TDRD9: variants seen among roughly 807,000 people sequenced by gnomAD.
The protein encoded by TDRD9 is ATP-dependent RNA helicase TDRD9.
A neutral mutation model predicts 172.6 loss-of-function variants in TDRD9; 124 were observed. The observed-to-expected ratio is 0.72, with a 90% CI of 0.62 to 0.83. The LOEUF (loss-of-function observed/expected upper bound fraction) is 0.83. Ranked by LOEUF, TDRD9 falls within the 40% of genes least tolerant of loss-of-function variation. The pLI, the probability that TDRD9 is intolerant of heterozygous loss-of-function variation, is 0.00. For missense variants in TDRD9, 1,479 were observed against 1,714.1 expected (o/e 0.86, Z 2.42); for synonymous variants, 619 against 617.1 (o/e 1.00, Z -0.05).
At chr14:104,031,299 T>G (rs765122967) in intron 29 of TDRD9, 36 bp downstream of exon 29, 16 of 1,524,842 alleles carry the variant, frequency 1.0e-5, no homozygotes, top group African/African-American at 1.4e-5. Context: ...ATTTAAAAGC[T>G]TAGTATCATT....
In TDRD9 at chr14:104,024,649, C is replaced by G. The variant is rs1371283023; in HGVS notation, c.2687C>G (p.Thr896Arg). The G allele has an allele frequency of 2.5e-6, 4 of 1,610,304 alleles. No homozygotes were observed. The highest frequency in any genetic ancestry group is 2.5e-6 in the Non-Finnish European group (3 of 1,177,010). The change falls in exon 25 of 36, where the codon ACA becomes AGA. Residue 896 changes from threonine to arginine, a missense_variant. Thr to Arg is a moderately conservative substitution (Grantham distance 71, BLOSUM62 -1). Coordinates refer to ENST00000409874, the MANE Select transcript of TDRD9 (RefSeq NM_153046.3). ...FNTSDRSQTV[T>R]DLLLTIDVTE... is the part of the protein sequence containing the mutation. ...ACATCAGACAGGTCCCAGACAGTTA[C>G]AGATCTCCTTCTAACTATTGATGTC...
At chr14:103,944,400 A>G (rs958120545) in intron 1 of TDRD9, among the ~76,000 whole-genome samples, 1 of 151,966 alleles carries the variant, frequency 6.6e-6, no homozygotes, top group Non-Finnish European at 1.5e-5. Context: ...TCTCTTTTTC[A>G]TGGACCAGCT....
chr14:103,932,108 A>G (rs1269217537), intron 1 of TDRD9, among the ~76,000 whole-genome samples: 1 of 152,092 alleles, frequency 6.6e-6, no homozygotes, highest in African/African-American at 2.4e-5. Flanking sequence ...GCTTTAGGAA[A>G]CCCTAAGCAG....
Position 104,033,980 on chromosome 14 carries a change from A to G in TDRD9, c.3530A>G (p.Glu1177Gly). The part of the protein sequence containing the change: ...SKFRCVWIEK[E>G]SINSVIISDA... Reference sequence around the variant, plus strand: ...TTTAGGTGTGTTTGGATTGAGAAGGAGAGCATCAACTCTGTCATTATCAGT... The same window carrying G: ...TTTAGGTGTGTTTGGATTGAGAAGGGGAGCATCAACTCTGTCATTATCAGT... The change falls in exon 31 of 36, where the codon GAG becomes GGG. Residue 1177 changes from glutamate to glycine, a missense_variant. This residue lies in a region of TDRD9 where 1,413 missense variants were observed against 1,649.1 expected (regional missense o/e 0.86). Transcript: ENST00000409874. The G allele has an allele frequency of 1.3e-6, 2 of 1,550,534 alleles. No homozygotes were observed. The highest frequency in any genetic ancestry group is 1.7e-6 in the Non-Finnish European group (2 of 1,145,742).
intron 7 of TDRD9, among the ~76,000 whole-genome samples, chr14:103,983,026 C>T (rs923277145): frequency 6.6e-6 from 1 of 151,586 alleles, no homozygotes; most frequent in Non-Finnish European, 1.5e-5. Flanking sequence ...AGAGCATGCC[C>T]CCCGCCCCAC....
intron 20 of TDRD9, among the ~76,000 whole-genome samples, chr14:104,012,487 G>A (rs569578798): frequency 8.7e-4 from 131 of 150,806 alleles, no homozygotes; most frequent in African/African-American, 3.0e-3. Context: ...GGGAGGGAAG[G>A]AGTAGGTGTG....
intron 23 of TDRD9, among the ~76,000 whole-genome samples, chr14:104,019,583 C>A: frequency 6.6e-6 from 1 of 152,216 alleles, no homozygotes; most frequent in African/African-American, 2.4e-5. Context: ...TGTACCAGTA[C>A]CAGTTCTTGG....
chr14:104,042,322 C>T (rs1185924334), intron 34 of TDRD9, 135 bp downstream of exon 34: 4 of 633,430 alleles, frequency 6.3e-6, no homozygotes. Flanking sequence ...CTGGAGGCAG[C>T]ACTGGGAGGC....
intron 7 of TDRD9, among the ~76,000 whole-genome samples, chr14:103,978,886 C>G (rs1212956541): frequency 6.6e-6 from 1 of 152,128 alleles, no homozygotes; most frequent in Non-Finnish European, 1.5e-5. Flanking sequence ...ACTAGCATAT[C>G]TATTGTATCA....
chr14:104,032,052 A>G lies in TDRD9; in HGVS notation c.3474A>G (p.Leu1158=), dbSNP rs1416246475. The change falls in exon 30 of 36, where the codon CTA becomes CTG. Residue 1158 remains leucine (L), a synonymous_variant. Coordinates refer to ENST00000409874, the MANE Select transcript of TDRD9 (RefSeq NM_153046.3). ...ACGGGCCTTTTAACCCTTATGAACTAAAGTGCCATAGTTTGACCAGAATAT... is the reference window on the plus strand; with the variant it reads ...ACGGGCCTTTTAACCCTTATGAACTGAAGTGCCATAGTTTGACCAGAATAT... ...ELHGPFNPYE[L]KCHSLTRISK... is the part of the protein sequence containing the mutation. 11 of 1,549,006 alleles carry G rather than the reference A, an allele frequency of 7.1e-6. No individual in the cohort carries two copies. Among genetic ancestry groups the G allele is most frequent in the Non-Finnish European group, 8.7e-6 (10 of 1,146,356 alleles).
intron 5 of TDRD9, among the ~76,000 whole-genome samples, chr14:103,969,294 A>G (rs996241278): frequency 6.6e-6 from 1 of 151,742 alleles, no homozygotes; most frequent in Admixed American, 6.6e-5. Flanking sequence ...AGGCTGGTGT[A>G]GGGATCCTGG....
chr14:103,949,489 T>A (rs572641807), intron 1 of TDRD9, among the ~76,000 whole-genome samples: 1 of 152,356 alleles, frequency 6.6e-6, no homozygotes, highest in African/African-American at 2.4e-5. Flanking sequence ...CAAGTCCTGA[T>A]TTTAGTTCTA....
intron 1 of TDRD9, among the ~76,000 whole-genome samples, chr14:103,939,340 C>G (rs2152118401): frequency 6.6e-6 from 1 of 152,296 alleles, no homozygotes; most frequent in African/African-American, 2.4e-5. Context: ...CATTAAGGCA[C>G]TGATATTTTC....
rs79988609 is a variant in TDRD9 at position 103,998,052 on chromosome 14, T to C, written c.1379-572T>C. Reference sequence around the variant, plus strand: ...GGAGATCCCCAGTGCTTTGCCTGTGTGAGGGGGAAAGGTGTGGTGGAGGGG... The same window carrying C: ...GGAGATCCCCAGTGCTTTGCCTGTGCGAGGGGGAAAGGTGTGGTGGAGGGG... On this transcript the variant is annotated intron_variant, in intron 12 of 35. Coordinates refer to ENST00000409874, the MANE Select transcript of TDRD9 (RefSeq NM_153046.3). Among the ~76,000 whole-genome samples the C allele has an allele frequency of 3.7e-3, 558 of 151,946 alleles. 7 individuals are homozygous for C. In the East Asian group the frequency reaches 0.047, roughly 13 times the overall value.
intron 33 of TDRD9, 143 bp downstream of exon 33, chr14:104,040,477 C>T (rs966660004): frequency 3.4e-6 from 3 of 886,226 alleles, no homozygotes; most frequent in Admixed American, 3.8e-5. Context: ...CCTTGTCCCT[C>T]CTGGAGTCAC....
At chr14:104,002,346 T>G (rs11849423) in intron 13 of TDRD9, among the ~76,000 whole-genome samples, 50,170 of 148,664 alleles carry the variant, frequency 0.34, 8,555 homozygotes, top group Middle Eastern at 0.38. Flanking sequence ...AAGAAAAAAA[T>G]TTTAGACAAA....
At chr14:103,979,912 G>C (rs752742940) in intron 7 of TDRD9, among the ~76,000 whole-genome samples, 13 of 146,850 alleles carry the variant, frequency 8.9e-5, no homozygotes, top group Non-Finnish European at 1.3e-4. Flanking sequence ...GTCTTGCTCT[G>C]TTACCTAGGC....
At chr14:103,933,289 GC>G (rs912085788) in intron 1 of TDRD9, among the ~76,000 whole-genome samples, 4 of 152,186 alleles carry the variant, frequency 2.6e-5, no homozygotes, top group African/African-American at 9.6e-5. Flanking sequence ...GCAGCCCATG[GC>G]TGGGAGCCTT....
chr14:104,021,344 CATATCACTTGGCAATCAATTT>C (rs1371424796), intron 23 of TDRD9, among the ~76,000 whole-genome samples: 33 of 152,280 alleles, frequency 2.2e-4, no homozygotes, highest in East Asian at 7.7e-4. Context: ...AGATCTAAAC[CATATCACTTGGCAATCAATTT>C]ATATCACTTG....
Sources: allele counts gnomAD v4.1 joint callset (sites outside exome capture counted in the v4.1 genomes callset), GRCh38; gene constraint gnomAD v4.1.1; regional missense constraint gnomAD v4.1.1; transcripts MANE v1.5; gene names NCBI Gene and HGNC (gene_info 2026-07-23, HGNC 2026-07-21).